RBFOX1: variants seen among roughly 807,000 people sequenced by gnomAD.
RBFOX1 encodes the protein RNA binding fox-1 homolog 1.
RBFOX1 carries 8 observed loss-of-function variants against 57.7 expected under a neutral mutation model. That is an observed-to-expected ratio of 0.14 (90% CI 0.08 to 0.25). The LOEUF (loss-of-function observed/expected upper bound fraction) is 0.25, where lower values mean the gene tolerates loss of function less well. Ranked by LOEUF, RBFOX1 falls within the 10% of genes least tolerant of loss-of-function variation. The pLI is 1.00. For missense variants in RBFOX1, 611 were observed against 548.5 expected, an observed-to-expected ratio of 1.11 and a Z score of -1.14; for synonymous variants, 326 against 222.4, an observed-to-expected ratio of 1.47 and a Z score of -4.15.
At chr16:7,461,355 A>G (rs983428119) in intron 4 of RBFOX1, among the ~76,000 whole-genome samples, 3 of 152,112 alleles carry the variant, frequency 2.0e-5, no homozygotes, top group East Asian at 1.9e-4. Flanking sequence ...TTTAGTGAAG[A>G]TGGGGTTTCA....
At chr16:7,006,732 G>A (rs889351181) in intron 3 of RBFOX1, among the ~76,000 whole-genome samples, 1 of 152,276 alleles carries the variant, frequency 6.6e-6, no homozygotes, top group East Asian at 1.9e-4. Flanking sequence ...ACGGACATGA[G>A]CCACCATGCC....
At chr16:6,695,661 C>T (rs746616585) in intron 3 of RBFOX1, among the ~76,000 whole-genome samples, 8 of 151,974 alleles carry the variant, frequency 5.3e-5, no homozygotes, top group African/African-American at 9.7e-5. Flanking sequence ...TCATAGTGTC[C>T]GGCCTATTGT....
At chr16:7,214,489 C>G (rs2091699747) in intron 4 of RBFOX1, among the ~76,000 whole-genome samples, 1 of 151,982 alleles carries the variant, frequency 6.6e-6, no homozygotes, top group Non-Finnish European at 1.5e-5. Context: ...CTGCCTCCAT[C>G]TCCATCATCT....
intron 3 of RBFOX1, among the ~76,000 whole-genome samples, chr16:6,998,054 C>G (rs1320955841): frequency 1.3e-5 from 2 of 151,738 alleles, no homozygotes; most frequent in Admixed American, 6.6e-5. Context: ...GTAGGAAATG[C>G]TGAGATTTAG....
rs17140926 is a variant in RBFOX1, at chr16:6,692,450, A to T, written c.-16+37800A>T. Reference sequence around the variant, plus strand: ...TCATCACTGGTACATTATTCTTCCTAGAACATTGAAATGTTTAACTACTTT... The same window carrying T: ...TCATCACTGGTACATTATTCTTCCTTGAACATTGAAATGTTTAACTACTTT... On this transcript the variant is annotated intron_variant, in intron 3 of 15. Coordinates refer to ENST00000550418, the MANE Select transcript of RBFOX1 (RefSeq NM_018723.4). Among the ~76,000 whole-genome samples, 1,165 of 152,266 alleles carry T rather than the reference A, an allele frequency of 7.7e-3. 19 individuals are homozygous for T. Among genetic ancestry groups the T allele is most frequent in the African/African-American group, 0.026 (1,093 of 41,532 alleles).
intron 4 of RBFOX1, among the ~76,000 whole-genome samples, chr16:7,305,839 G>A (rs191609846): frequency 4.0e-4 from 61 of 152,162 alleles, no homozygotes; most frequent in Non-Finnish European, 6.5e-4. Flanking sequence ...TGAGTAAATC[G>A]TGCCAGAAGA....
intron 4 of RBFOX1, among the ~76,000 whole-genome samples, chr16:7,354,370 C>T (rs1304301878): frequency 1.3e-5 from 2 of 152,110 alleles, no homozygotes; most frequent in Non-Finnish European, 2.9e-5. Context: ...TTTCTATTAC[C>T]TGTGTTTGTT....
At chr16:5,478,733 C>A (rs371966472) in intron 2 of RBFOX1, among the ~76,000 whole-genome samples, 4 of 152,174 alleles carry the variant, frequency 2.6e-5, no homozygotes, top group East Asian at 1.9e-4. Context: ...GCACGAGGCA[C>A]CTTTTCCCAC....
chr16:7,375,905 G>C (rs976630095), intron 4 of RBFOX1, among the ~76,000 whole-genome samples: 8 of 152,308 alleles, frequency 5.3e-5, no homozygotes, highest in Non-Finnish European at 1.0e-4. Flanking sequence ...GGAAGACCTT[G>C]TGCCCACGTC....
At chr16:5,684,624 A>T (rs963910753) in intron 3 of RBFOX1, among the ~76,000 whole-genome samples, 1 of 152,114 alleles carries the variant, frequency 6.6e-6, no homozygotes, top group Non-Finnish European at 1.5e-5. Flanking sequence ...TAACTTCTTG[A>T]TGCGTTTTAA....
chr16:5,285,686 G>A (rs1325795526), intron 1 of RBFOX1, among the ~76,000 whole-genome samples: 2 of 152,190 alleles, frequency 1.3e-5, no homozygotes, highest in Non-Finnish European at 2.9e-5. Context: ...GGTAGGTACA[G>A]TGATATAGTC....
chr16:6,346,279 G>T (rs1372917482), intron 2 of RBFOX1, among the ~76,000 whole-genome samples: 1 of 152,218 alleles, frequency 6.6e-6, no homozygotes, highest in Non-Finnish European at 1.5e-5. Flanking sequence ...AGAAGGTACT[G>T]CTGTAGATAG....
intron 3 of RBFOX1, among the ~76,000 whole-genome samples, chr16:6,880,684 T>C (rs2062756050): frequency 6.6e-6 from 1 of 152,212 alleles, no homozygotes; most frequent in African/African-American, 2.4e-5. Context: ...AAAAGAGCAC[T>C]GAGCTGTATG....
At chr16:6,644,608 A>C (rs1381673874) in intron 2 of RBFOX1, among the ~76,000 whole-genome samples, 1 of 152,222 alleles carries the variant, frequency 6.6e-6, no homozygotes, top group Non-Finnish European at 1.5e-5. Flanking sequence ...TGCTGTGCCC[A>C]GGATATGTGA....
At chr16:5,875,115 C>T (rs913844658) in intron 4 of RBFOX1, among the ~76,000 whole-genome samples, 3 of 152,186 alleles carry the variant, frequency 2.0e-5, no homozygotes, top group Non-Finnish European at 4.4e-5. Flanking sequence ...TAAGAACCTT[C>T]CCATAGCAAC....
chr16:5,933,593 G>A (rs1341928693), intron 4 of RBFOX1, among the ~76,000 whole-genome samples: 1 of 152,168 alleles, frequency 6.6e-6, no homozygotes, highest in Admixed American at 6.5e-5. Context: ...GGGAGGCCAA[G>A]CTATTGTCTT....
intron 4 of RBFOX1, among the ~76,000 whole-genome samples, chr16:7,191,746 G>A (rs970638704): frequency 3.3e-5 from 5 of 152,204 alleles, no homozygotes; most frequent in Non-Finnish European, 5.9e-5. Context: ...GGGTTAGAGC[G>A]AAAGCTGAAA....
intron 4 of RBFOX1, among the ~76,000 whole-genome samples, chr16:5,967,412 T>G (rs865902499): frequency 6.6e-6 from 1 of 152,214 alleles, no homozygotes; most frequent in Non-Finnish European, 1.5e-5. Flanking sequence ...TTTATACATT[T>G]CTTAACCCGG....
At chr16:5,894,465 G>T (rs143856125) in intron 4 of RBFOX1, among the ~76,000 whole-genome samples, 6,352 of 152,018 alleles carry the variant, frequency 0.042, 203 homozygotes, top group Middle Eastern at 0.065. Context: ...AGTAGAGATA[G>T]GGTTTTGCCA....
Sources: allele counts gnomAD v4.1 joint callset (sites outside exome capture counted in the v4.1 genomes callset), GRCh38; gene constraint gnomAD v4.1.1; transcripts MANE v1.5; gene names NCBI Gene and HGNC (gene_info 2026-07-23, HGNC 2026-07-21).